The following CACNB4 variants were observed in gnomAD, a reference collection of about 807,000 sequenced individuals.
CACNB4 encodes the protein calcium voltage-gated channel auxiliary subunit beta 4, also known as voltage-dependent L-type calcium channel subunit beta-4.
A neutral mutation model predicts 71.2 loss-of-function variants in CACNB4; 32 were observed. The ratio of observed to expected loss-of-function variants is 0.45; its 90% CI spans 0.34 to 0.60. The LOEUF is 0.60. Among genes scored for constraint, CACNB4 ranks in the 20% least tolerant of loss-of-function variants. The pLI, the probability that CACNB4 is intolerant of heterozygous loss-of-function variation, is 0.01. For synonymous variants in CACNB4, 231 were observed against 236.9 expected (o/e 0.97, Z 0.23); for missense variants, 464 against 647.9 (o/e 0.72, Z 3.08).
At chr2:152,009,490 G>A (rs1415610800) in intron 2 of CACNB4, among the ~76,000 whole-genome samples, 3 of 152,132 alleles carry the variant, frequency 2.0e-5, no homozygotes, top group Non-Finnish European at 2.9e-5. Context: ...CCATAGTAAG[G>A]TAAGATGTTA....
intron 2 of CACNB4, among the ~76,000 whole-genome samples, chr2:152,044,460 C>T (rs1685039831): frequency 6.6e-6 from 1 of 152,116 alleles, no homozygotes; most frequent in African/African-American, 2.4e-5. Context: ...CCTTGTGATC[C>T]GCCTGCCTCA....
intron 2 of CACNB4, among the ~76,000 whole-genome samples, chr2:151,979,294 T>C (rs965902651): frequency 3.3e-5 from 5 of 152,138 alleles, no homozygotes; most frequent in African/African-American, 1.2e-4. Flanking sequence ...CCCTCCTCCC[T>C]GCCATTCTTG....
chr2:151,956,911 C>A (rs1321394364), intron 2 of CACNB4, among the ~76,000 whole-genome samples: 1 of 152,140 alleles, frequency 6.6e-6, no homozygotes, highest in Non-Finnish European at 1.5e-5. Flanking sequence ...CTGTGGGAGA[C>A]CAAGGCGGTG....
chr2:151,854,577 T>C (rs1235006170), intron 11 of CACNB4: 1 of 152,214 alleles, frequency 6.6e-6, no homozygotes, highest in Non-Finnish European at 1.5e-5. Context: ...ACGTTAACTT[T>C]TTAAGAACAA....
chr2:151,993,005 T>C (rs901239402), intron 2 of CACNB4, among the ~76,000 whole-genome samples: 1 of 152,208 alleles, frequency 6.6e-6, no homozygotes, highest in African/African-American at 2.4e-5. Flanking sequence ...GTAATTATTG[T>C]CTTCCTCACA....
At chr2:151,851,432 C>A (rs148635457) in intron 12 of CACNB4, 3 of 152,190 alleles carry the variant, frequency 2.0e-5, no homozygotes, top group Admixed American at 1.3e-4. Context: ...AAGTGTTTAT[C>A]CTACTGAGAT....
intron 2 of CACNB4, among the ~76,000 whole-genome samples, chr2:151,926,087 G>C (rs555078953): frequency 6.6e-6 from 1 of 152,172 alleles, no homozygotes; most frequent in Non-Finnish European, 1.5e-5. Flanking sequence ...AGAATACATT[G>C]AATATTTTAA....
intron 2 of CACNB4, among the ~76,000 whole-genome samples, chr2:151,954,998 C>T (rs543678751): frequency 1.0e-3 from 152 of 151,954 alleles, no homozygotes; most frequent in Non-Finnish European, 1.4e-3. Flanking sequence ...GGACTACAGG[C>T]ACCCGCCACG....
At chr2:151,933,022 AAC>A (rs1398127844) in intron 2 of CACNB4, among the ~76,000 whole-genome samples, 1 of 151,778 alleles carries the variant, frequency 6.6e-6, no homozygotes, top group Non-Finnish European at 1.5e-5. Context: ...TGGCCCTGCC[AAC>A]ACCTTGATTT....
chr2:151,954,940 G>A (rs561127216), intron 2 of CACNB4, among the ~76,000 whole-genome samples: 114 of 134,480 alleles, frequency 8.5e-4, no homozygotes, highest in Admixed American at 2.1e-3. Context: ...TGCAAGCTCC[G>A]CCTCCCAGGT....
intron 2 of CACNB4, among the ~76,000 whole-genome samples, chr2:152,079,373 C>A (rs1687225112): frequency 6.6e-6 from 1 of 151,744 alleles, no homozygotes; most frequent in African/African-American, 2.4e-5. Flanking sequence ...CAGGCGTGAG[C>A]CACCACGCCC....
intron 2 of CACNB4, among the ~76,000 whole-genome samples, chr2:151,992,030 G>T (rs180901971): frequency 6.6e-6 from 1 of 152,264 alleles, no homozygotes; most frequent in East Asian, 1.9e-4. Flanking sequence ...CTCCAGAATG[G>T]CCCCCCTGAA....
intron 2 of CACNB4, among the ~76,000 whole-genome samples, chr2:151,898,788 T>A (rs912929123): frequency 6.6e-6 from 1 of 152,192 alleles, no homozygotes; most frequent in East Asian, 1.9e-4. Flanking sequence ...ATTATCCAAA[T>A]GGCTGGATTT....
chr2:152,098,620 G>A lies in CACNB4; in HGVS notation c.64-207C>T, dbSNP rs201894575. 3,314 of 1,378,392 alleles carry A rather than the reference G, an allele frequency of 2.4e-3. 4 individuals carry two copies. The highest frequency in any genetic ancestry group is 3.0e-3 in the Non-Finnish European group (3,007 of 994,820). 85.4% of individuals were successfully genotyped at this position (1,378,392 alleles called of 1,614,324 possible). On this transcript the variant is annotated intron_variant, in intron 1 of 13. Transcript: ENST00000539935. The surrounding 1 kb of genome is among the most constrained non-coding windows in gnomAD (Gnocchi z 5.3). ...CGACTGCTGAAAAGATGCTCGAGAA[G>A]AGCAGCCCGCAAGCACCCACCACAT...
intron 2 of CACNB4, among the ~76,000 whole-genome samples, chr2:151,908,232 CT>C (rs2099855281): frequency 6.6e-6 from 1 of 152,226 alleles, no homozygotes; most frequent in African/African-American, 2.4e-5. Context: ...AGATCATTTG[CT>C]GCTAATTTCT....
chr2:151,990,253 A>G (rs1681631111), intron 2 of CACNB4, among the ~76,000 whole-genome samples: 1 of 152,136 alleles, frequency 6.6e-6, no homozygotes, highest in Non-Finnish European at 1.5e-5. Flanking sequence ...GCCATATCTC[A>G]TTGTATCAAA....
At chr2:152,025,485 G>C (rs563225229) in intron 2 of CACNB4, among the ~76,000 whole-genome samples, 2 of 152,332 alleles carry the variant, frequency 1.3e-5, no homozygotes, top group East Asian at 3.9e-4. Flanking sequence ...ATAAGAAAGA[G>C]CAGAAATAAG....
chr2:151,917,946 T>A (rs747063749), intron 2 of CACNB4, among the ~76,000 whole-genome samples: 2 of 152,020 alleles, frequency 1.3e-5, no homozygotes, highest in African/African-American at 4.8e-5. Flanking sequence ...AAAGAGAAAG[T>A]TGGCTGGAAA....
chr2:152,049,942 T>C (rs1433907035), intron 2 of CACNB4, among the ~76,000 whole-genome samples: 1 of 152,256 alleles, frequency 6.6e-6, no homozygotes. Flanking sequence ...TGTCGACTTG[T>C]CTGCAAGGCA....
Sources: allele counts gnomAD v4.1 joint callset (sites outside exome capture counted in the v4.1 genomes callset), GRCh38; gene constraint gnomAD v4.1.1; non-coding constraint Gnocchi (gnomAD v3.1); transcripts MANE v1.5; gene names NCBI Gene and HGNC (gene_info 2026-07-23, HGNC 2026-07-21).